Variants in TMEM178B observed in about 807,000 individuals in gnomAD.
TMEM178B encodes transmembrane protein 178B.
A neutral mutation model predicts 31.0 loss-of-function variants in TMEM178B; 5 were observed. That is an observed-to-expected ratio of 0.16 (90% CI 0.08 to 0.34). The LOEUF is 0.34. Among genes scored for constraint, TMEM178B ranks in the 10% least tolerant of loss-of-function variants. The probability of loss-of-function intolerance (pLI) is 1.00; values close to 1 mark genes in which losing one functional copy is unlikely to be tolerated. For missense variants in TMEM178B, 275 were observed against 400.3 expected, an observed-to-expected ratio of 0.69 and a Z score of 2.67; for synonymous variants, 164 against 164.0, an observed-to-expected ratio of 1.00 and a Z score of 0.00.
chr7:141,300,415 G>A lies in TMEM178B; in HGVS notation c.496+87711G>A, dbSNP rs185647764. On this transcript the variant is annotated intron_variant, in intron 2 of 3. Coordinates refer to ENST00000565468, the MANE Select transcript of TMEM178B (RefSeq NM_001195278.2). The stretch of plus-strand genomic sequence containing the variant: ...GGCTATTTGATGAGCTCTCAGTGTG[G>A]GAGAGATGAATGAGAAAGTGAGGGA... Among the ~76,000 whole-genome samples, 10 of 152,274 alleles carry A rather than the reference G, an allele frequency of 6.6e-5. No individual in the cohort carries two copies. In the South Asian group the frequency reaches 1.2e-3, roughly 19 times the overall value.
chr7:141,285,382 T>C (rs1222843212), intron 2 of TMEM178B, among the ~76,000 whole-genome samples: 1 of 151,660 alleles, frequency 6.6e-6, no homozygotes, highest in Non-Finnish European at 1.5e-5. Flanking sequence ...ATGGTCTCGA[T>C]CTCCTGACCT....
intron 2 of TMEM178B, among the ~76,000 whole-genome samples, chr7:141,267,742 T>G (rs1418632640): frequency 6.6e-6 from 1 of 152,254 alleles, no homozygotes; most frequent in Admixed American, 6.5e-5. Context: ...ATATTTAATT[T>G]ATGATATATC....
intron 1 of TMEM178B, among the ~76,000 whole-genome samples, chr7:141,111,872 G>C (rs1288572333): frequency 6.6e-6 from 1 of 152,248 alleles, no homozygotes; most frequent in South Asian, 2.1e-4. Flanking sequence ...ATGAGTGTTT[G>C]CCTATATCAA....
intron 2 of TMEM178B, among the ~76,000 whole-genome samples, chr7:141,325,078 G>A (rs1231707604): frequency 3.3e-5 from 5 of 152,172 alleles, no homozygotes; most frequent in African/African-American, 7.2e-5. Context: ...TTAGTGATAA[G>A]GGAAGGAGGC....
chr7:141,447,853 G>T (rs1290342284), intron 3 of TMEM178B, among the ~76,000 whole-genome samples: 2 of 152,076 alleles, frequency 1.3e-5, no homozygotes, highest in African/African-American at 4.8e-5. Flanking sequence ...GTTCAAACAT[G>T]ATTAAGAATT....
At chr7:141,373,762 G>A (rs1259825358) in intron 2 of TMEM178B, among the ~76,000 whole-genome samples, 1 of 152,196 alleles carries the variant, frequency 6.6e-6, no homozygotes, top group Non-Finnish European at 1.5e-5. Flanking sequence ...GGTGAGGGAG[G>A]GCTTGGTTCT....
At chr7:141,423,426 T>C (rs758003461) in intron 2 of TMEM178B, among the ~76,000 whole-genome samples, 2 of 152,244 alleles carry the variant, frequency 1.3e-5, no homozygotes, top group Admixed American at 6.5e-5. Context: ...CAAAAAGTCA[T>C]GCTGAGTCTT....
At chr7:141,149,232 C>G (rs1045027198) in intron 1 of TMEM178B, among the ~76,000 whole-genome samples, 1 of 152,178 alleles carries the variant, frequency 6.6e-6, no homozygotes, top group African/African-American at 2.4e-5. Flanking sequence ...GCCCTGACCC[C>G]TGGCACCTGT....
intron 2 of TMEM178B, among the ~76,000 whole-genome samples, chr7:141,304,044 A>G (rs1639037697): frequency 6.6e-6 from 1 of 152,244 alleles, no homozygotes. Context: ...GTAAATTTCC[A>G]GATTCTTTCA....
At position 141,475,122 on chromosome 7, in the gene TMEM178B, T is replaced by A. The variant is rs1222634580; in HGVS notation, c.*4336T>A. The A allele has an allele frequency of 6.6e-6, 1 of 152,190 alleles. No homozygotes were observed. Among genetic ancestry groups the A allele is most frequent in the Non-Finnish European group, 1.5e-5 (1 of 68,072 alleles). 9.4% of individuals were successfully genotyped at this position (152,190 alleles called of 1,614,324 possible). A position where few individuals can be genotyped will look rare whatever the true frequency, so the allele number is the denominator to read the frequency against. ...GCCAGCCCTTTCCAGGGAAATACGA[T>A]GTTTCTGAGTGAGAGGTGATTTCAG... On this transcript the variant is annotated 3_prime_UTR_variant, in exon 4 of 4. Transcript: ENST00000565468.
At chr7:141,294,086 C>T (rs1359771753) in intron 2 of TMEM178B, among the ~76,000 whole-genome samples, 1 of 152,136 alleles carries the variant, frequency 6.6e-6, no homozygotes, top group Non-Finnish European at 1.5e-5. Flanking sequence ...AAGTTTGCCA[C>T]TTGGTGGTAA....
chr7:141,468,094 A>G (rs1802177369), intron 3 of TMEM178B, among the ~76,000 whole-genome samples: 1 of 152,054 alleles, frequency 6.6e-6, no homozygotes, highest in South Asian at 2.1e-4. Context: ...CATTTTTCAC[A>G]TGTACAATCC....
At chr7:141,378,561 G>C (rs767688046) in intron 2 of TMEM178B, among the ~76,000 whole-genome samples, 2 of 152,182 alleles carry the variant, frequency 1.3e-5, no homozygotes, top group African/African-American at 4.8e-5. Context: ...TGGCATTGCC[G>C]GAGATGGTAC....
intron 2 of TMEM178B, among the ~76,000 whole-genome samples, chr7:141,243,272 T>C (rs4358717): frequency 0.5 from 75,441 of 151,772 alleles, 19,885 homozygotes; most frequent in East Asian, 0.84. Context: ...GCCTCTGGGA[T>C]GGTCACTTGT....
intron 2 of TMEM178B, among the ~76,000 whole-genome samples, chr7:141,216,515 G>T (rs192111081): frequency 2.3e-4 from 35 of 148,962 alleles, no homozygotes; most frequent in African/African-American, 8.4e-4. Context: ...TGTGGATGAG[G>T]TTCAAATGCT....
At chr7:141,222,721 T>C (rs1797276184) in intron 2 of TMEM178B, among the ~76,000 whole-genome samples, 1 of 152,194 alleles carries the variant, frequency 6.6e-6, no homozygotes, top group Admixed American at 6.5e-5. Flanking sequence ...TGGCTGTTTG[T>C]CTTGGTGAGT....
At chr7:141,341,922 A>T (rs537472581) in intron 2 of TMEM178B, among the ~76,000 whole-genome samples, 1 of 152,244 alleles carries the variant, frequency 6.6e-6, no homozygotes, top group African/African-American at 2.4e-5. Context: ...GTCTTCTAGT[A>T]GGAATGTACA....
chr7:141,326,694 G>A (rs530824902), intron 2 of TMEM178B, among the ~76,000 whole-genome samples: 1 of 152,310 alleles, frequency 6.6e-6, no homozygotes, highest in South Asian at 2.1e-4. Context: ...TACAAAAGCA[G>A]TGTTGAGTAG....
At chr7:141,163,995 C>T (rs1383468624) in intron 1 of TMEM178B, among the ~76,000 whole-genome samples, 26 of 152,102 alleles carry the variant, frequency 1.7e-4, no homozygotes. Context: ...ATTTTACAGA[C>T]TAAGACATTT....
Sources: allele counts gnomAD v4.1 joint callset (sites outside exome capture counted in the v4.1 genomes callset), GRCh38; gene constraint gnomAD v4.1.1; transcripts MANE v1.5; gene names NCBI Gene and HGNC (gene_info 2026-07-23, HGNC 2026-07-21).